The following HIBCH variants were observed in gnomAD, a reference collection of about 807,000 sequenced individuals.
The protein encoded by HIBCH is 3-hydroxyisobutyryl-CoA hydrolase, also known as 3-hydroxyisobutyryl-CoA hydrolase, mitochondrial.
HIBCH carries 50 observed loss-of-function variants against 58.2 expected under a neutral mutation model. The ratio of observed to expected loss-of-function variants is 0.86; its 90% CI spans 0.68 to 1.09. HIBCH has a LOEUF of 1.09. Ranked by LOEUF, HIBCH falls within the 50% of genes least tolerant of loss-of-function variation. The pLI, the probability that HIBCH is intolerant of heterozygous loss-of-function variation, is 0.00. For missense variants in HIBCH, 450 were observed against 449.7 expected (o/e 1.00, Z -0.01); for synonymous variants, 151 against 146.9 (o/e 1.03, Z -0.20).
intron 8 of HIBCH, chr2:190,250,230 C>T: frequency 5.7e-6 from 2 of 347,934 alleles, no homozygotes; most frequent in Non-Finnish European, 1.2e-5. Flanking sequence ...TTTCCTTTAC[C>T]TGACAATACC....
chr2:190,191,783 A>G (rs1689720442), intron 1 of HIBCH, among the ~76,000 whole-genome samples: 1 of 152,208 alleles, frequency 6.6e-6, no homozygotes, highest in Non-Finnish European at 1.5e-5. Flanking sequence ...AACTGCCTAA[A>G]TCTTTCAAAT....
At chr2:190,300,305 T>C (rs1051772694) in intron 2 of HIBCH, among the ~76,000 whole-genome samples, 2 of 152,224 alleles carry the variant, frequency 1.3e-5, no homozygotes, top group African/African-American at 4.8e-5. Context: ...TTCCCTTTTC[T>C]GCACATCCTC....
intron 11 of HIBCH, among the ~76,000 whole-genome samples, chr2:190,228,077 T>C (rs1029785786): frequency 6.6e-6 from 1 of 152,206 alleles, no homozygotes; most frequent in African/African-American, 2.4e-5. Context: ...GTATAAATCA[T>C]GCTGCCATAA....
At chr2:190,259,192 T>C (rs1369236131) in intron 7 of HIBCH, among the ~76,000 whole-genome samples, 1 of 152,246 alleles carries the variant, frequency 6.6e-6, no homozygotes, top group Non-Finnish European at 1.5e-5. Flanking sequence ...ACTGAATCTG[T>C]AGATCACTTT....
At chr2:190,193,964 C>G (rs1689842137) in intron 1 of HIBCH, among the ~76,000 whole-genome samples, 1 of 152,086 alleles carries the variant, frequency 6.6e-6, no homozygotes, top group Non-Finnish European at 1.5e-5. Flanking sequence ...TAATGCATTT[C>G]AAAATTTTGA....
intron 4 of HIBCH, among the ~76,000 whole-genome samples, chr2:190,293,679 G>A (rs1688016864): frequency 6.6e-6 from 1 of 151,838 alleles, no homozygotes; most frequent in African/African-American, 2.4e-5. Flanking sequence ...CAAGCCCAAA[G>A]ACTGTTGTCT....
intron 13 of HIBCH, 140 bp downstream of exon 13, chr2:190,208,740 G>T: frequency 4.4e-6 from 3 of 679,040 alleles, no homozygotes; most frequent in Admixed American, 2.1e-5. Flanking sequence ...TGAGTGTCAT[G>T]TTGGTGCTCA....
intron 1 of HIBCH, among the ~76,000 whole-genome samples, chr2:190,312,796 A>G (rs537122997): frequency 5.3e-4 from 80 of 152,358 alleles, no homozygotes; most frequent in African/African-American, 1.8e-3. Flanking sequence ...TGGTCTGTAC[A>G]TTAGAATCAC....
chr2:190,197,701 T>C lies in HIBCH; in HGVS notation c.*17+7399A>G, dbSNP rs1690045051. Among the ~76,000 whole-genome samples, 1 of 152,224 alleles carries C rather than the reference T, an allele frequency of 6.6e-6. No homozygotes were observed. The highest frequency in any genetic ancestry group is 6.5e-5 in the Admixed American group (1 of 15,284). ...TTCTCTCAGGGATCACAATCCAGTG[T>C]TGCTTGTTGCTCTATGCCTGAAAAT... On this transcript the variant is annotated intron_variant, in intron 1 of 1. Coordinates refer to the HIBCH transcript ENST00000399855. This position sits in a 1 kb window ranked among gnomAD's most constrained non-coding sequence, Gnocchi z 4.0.
chr2:190,232,448 G>A (rs1296420191), intron 11 of HIBCH, among the ~76,000 whole-genome samples: 1 of 152,162 alleles, frequency 6.6e-6, no homozygotes, highest in East Asian at 1.9e-4. Context: ...TGTGTGCCAA[G>A]TCTCTAATGC....
intron 1 of HIBCH, among the ~76,000 whole-genome samples, chr2:190,193,916 G>A (rs190158811): frequency 5.3e-5 from 8 of 152,076 alleles, no homozygotes; most frequent in African/African-American, 1.9e-4. Flanking sequence ...TCTATTATAA[G>A]CATTTAAGTA....
At chr2:190,278,865 C>A (rs2582734) in intron 6 of HIBCH, among the ~76,000 whole-genome samples, 147,240 of 152,286 alleles carry the variant, frequency 0.97, 71,227 homozygotes, top group Admixed American at 0.98. Flanking sequence ...TCTAAAGTGC[C>A]AACAAGGTTG....
In HIBCH at chr2:190,206,119, A is replaced by G. The variant is rs1013887546; in HGVS notation, c.1046-887T>C. On this transcript the variant is annotated intron_variant, in intron 13 of 13. Transcript: ENST00000359678. The surrounding 1 kb of genome is among the most constrained non-coding windows in gnomAD (Gnocchi z 5.1). Reference sequence around the variant, plus strand: ...GTGAACTAGAAAAACCTAATTTAGCATTTAAAGGCTAAAATAGTTAAAGAA... The same window carrying G: ...GTGAACTAGAAAAACCTAATTTAGCGTTTAAAGGCTAAAATAGTTAAAGAA... Among the ~76,000 whole-genome samples, 17 of 152,220 alleles carry G rather than the reference A, an allele frequency of 1.1e-4. No homozygotes were observed. The highest frequency in any genetic ancestry group is 4.1e-4 in the African/African-American group (17 of 41,456).
At chr2:190,194,912 G>C (rs1452917985) in intron 1 of HIBCH, among the ~76,000 whole-genome samples, 1 of 152,112 alleles carries the variant, frequency 6.6e-6, no homozygotes, top group East Asian at 1.9e-4. Context: ...GAGTGCAGTG[G>C]TGCAATCAAT....
At chr2:190,271,804 A>G (rs571654453) in intron 6 of HIBCH, among the ~76,000 whole-genome samples, 2 of 152,278 alleles carry the variant, frequency 1.3e-5, no homozygotes, top group African/African-American at 4.8e-5. Flanking sequence ...CATGTCCTAT[A>G]AGAGAGCTGA....
chr2:190,285,112 C>T (rs1245372295), intron 6 of HIBCH, among the ~76,000 whole-genome samples: 3 of 152,140 alleles, frequency 2.0e-5, no homozygotes, highest in Non-Finnish European at 4.4e-5. Flanking sequence ...TTAAATTCAT[C>T]TCTTTCTAAT....
chr2:190,308,487 G>A (rs1688473239), intron 2 of HIBCH, among the ~76,000 whole-genome samples: 1 of 152,130 alleles, frequency 6.6e-6, no homozygotes, highest in Admixed American at 6.6e-5. Flanking sequence ...TAAATTAATG[G>A]ATTAATGAGT....
chr2:190,231,031 C>T (rs942708189), intron 11 of HIBCH, among the ~76,000 whole-genome samples: 1 of 152,174 alleles, frequency 6.6e-6, no homozygotes, highest in African/African-American at 2.4e-5. Context: ...CTTTCAAAAG[C>T]CATTGTCCCA....
At chr2:190,284,719 C>T (rs947079012) in intron 6 of HIBCH, among the ~76,000 whole-genome samples, 15 of 152,118 alleles carry the variant, frequency 9.9e-5, no homozygotes, top group Non-Finnish European at 1.9e-4. Flanking sequence ...CCCCATTTAC[C>T]TTGATTCCTT....
Sources: gnomAD v4.1 joint callset for allele counts (sites outside exome capture counted in the v4.1 genomes callset) on GRCh38, gnomAD v4.1.1 for gene constraint, Gnocchi (gnomAD v3.1) non-coding constraint, MANE v1.5 for transcripts, NCBI Gene and HGNC (gene_info 2026-07-23, HGNC 2026-07-21) for gene names.